The following PWWP2B variants were observed in gnomAD, a reference collection of about 807,000 sequenced individuals.
The protein encoded by PWWP2B is PWWP domain-containing protein 2B.
Under a neutral mutation model 15.5 loss-of-function variants are expected in PWWP2B, and 9 were observed. The ratio of observed to expected loss-of-function variants is 0.58; its 90% CI spans 0.35 to 1.02. The LOEUF is 1.02. Among genes scored for constraint, PWWP2B ranks in the 50% least tolerant of loss-of-function variants. The pLI, the probability that PWWP2B is intolerant of heterozygous loss-of-function variation, is 0.02. For synonymous variants in PWWP2B, 474 were observed against 403.6 expected, an observed-to-expected ratio of 1.17 and a Z score of -2.09; for missense variants, 864 against 865.3, an observed-to-expected ratio of 1.00 and a Z score of 0.02.
At position 132,404,799 on chromosome 10, in the gene PWWP2B, A is replaced by AGCCCCCCCCCCCCCCCCT; in HGVS notation, c.302_303insCCCCCCCCCCCCCCTGCC (p.Pro104_Leu105insProLeuProProProPro). On this transcript the variant is annotated inframe_insertion, in exon 2 of 3. Transcript: ENST00000305233. ...CAGCCCCCCGAGACCACCCGCCCCGAGCCACCCCCGCCCCTCGTGCCGCCG... is the reference window on the plus strand; with the variant it reads ...CAGCCCCCCGAGACCACCCGCCCCGAGCCCCCCCCCCCCCCCCTGCCACCCCCGCCCCTCGTGCCGCCG... 1 of 1,046,818 alleles carries AGCCCCCCCCCCCCCCCCT rather than the reference A, an allele frequency of 9.6e-7. No individual in the cohort carries two copies. Among genetic ancestry groups the AGCCCCCCCCCCCCCCCCT allele is most frequent in the Non-Finnish European group, 1.3e-6 (1 of 753,814 alleles). The allele number at this position is 1,046,818 out of a possible 1,614,324, so 64.8% of individuals were successfully genotyped here. A position where few individuals can be genotyped will look rare whatever the true frequency, so the allele number is the denominator to read the frequency against.
intron 2 of PWWP2B, among the ~76,000 whole-genome samples, chr10:132,412,292 G>A (rs2069791351): frequency 1.3e-5 from 2 of 152,208 alleles, no homozygotes; most frequent in Non-Finnish European, 1.5e-5. Flanking sequence ...AATACTATGC[G>A]GACCTGTTGC....
At chr10:132,407,541 C>T (rs899955841) in intron 2 of PWWP2B, among the ~76,000 whole-genome samples, 10 of 152,176 alleles carry the variant, frequency 6.6e-5, no homozygotes, top group African/African-American at 9.7e-5. Context: ...ATTGGGGTTC[C>T]GGCGGAAGCA....
At chr10:132,416,823 C>T (rs530012862) in intron 2 of PWWP2B, among the ~76,000 whole-genome samples, 7 of 152,174 alleles carry the variant, frequency 4.6e-5, no homozygotes, top group South Asian at 4.2e-4. Context: ...CTGTGGACTG[C>T]GGGACTTCAG....
chr10:132,405,298 G>A lies in PWWP2B; in HGVS notation c.798G>A (p.Val266=). 6.2e-7 allele frequency: 1 copy of A among 1,612,160 alleles called. No homozygotes were observed. The change falls in exon 2 of 3, where the codon GTG becomes GTA. Residue 266 remains valine (V), a synonymous_variant. Transcript: ENST00000305233. ...SYSTPQGKGE[V]VKIPSRVHGS... is the part of the protein sequence containing the mutation. ...GCACGCCCCAGGGCAAGGGAGAGGT[G>A]GTCAAGATCCCCTCCCGCGTGCACG...
chr10:132,398,602 C>T (rs1001978255), intron 1 of PWWP2B, among the ~76,000 whole-genome samples: 5 of 152,376 alleles, frequency 3.3e-5, no homozygotes, highest in South Asian at 2.1e-4. Context: ...TTCCTTGACT[C>T]GGGACAAGGG....
At chr10:132,409,554 C>T (rs1418618638) in intron 2 of PWWP2B, among the ~76,000 whole-genome samples, 1 of 152,136 alleles carries the variant, frequency 6.6e-6, no homozygotes, top group Non-Finnish European at 1.5e-5. Context: ...CAGGGTGAGC[C>T]CCAGGGCCTC....
At chr10:132,399,404 C>T (rs969226050) in intron 1 of PWWP2B, among the ~76,000 whole-genome samples, 11 of 152,234 alleles carry the variant, frequency 7.2e-5, no homozygotes, top group African/African-American at 2.2e-4. Context: ...ATGGCGGCCC[C>T]GCTCACACAG....
chr10:132,412,843 G>A (rs1440871102), intron 2 of PWWP2B, among the ~76,000 whole-genome samples: 1 of 152,268 alleles, frequency 6.6e-6, no homozygotes, highest in African/African-American at 2.4e-5. Flanking sequence ...AGTCCCTCCT[G>A]AGCGTGTGTG....
At chr10:132,407,723 C>T (rs1212129406) in intron 2 of PWWP2B, among the ~76,000 whole-genome samples, 1 of 152,198 alleles carries the variant, frequency 6.6e-6, no homozygotes, top group Non-Finnish European at 1.5e-5. Flanking sequence ...GGAACCAGGC[C>T]CTTTTCTGAT....
Position 132,405,710 on chromosome 10 carries a change from T to G in PWWP2B, c.1210T>G (p.Leu404Val), listed in dbSNP as rs1275575701. Residue 404 changes from leucine (L) to valine (V), a missense_variant, in exon 2 of 3, where the codon TTG (leucine) becomes GTG (valine). This residue lies in a region of PWWP2B where 736 missense variants were observed against 687.7 expected (regional missense o/e 1.07). Coordinates refer to ENST00000305233, the MANE Select transcript of PWWP2B (RefSeq NM_138499.4). ...CPQGPQGREG[L>V]AFLVSCPEGR... ...CCAGGGTCCACAGGGACGCGAGGGC[T>G]TGGCTTTTCTCGTCAGCTGCCCTGA... is the stretch of plus-strand genomic sequence containing the variant. 1 of 1,611,650 alleles carries G rather than the reference T, an allele frequency of 6.2e-7. No homozygotes were observed. The highest frequency in any genetic ancestry group is 8.5e-7 in the Non-Finnish European group (1 of 1,179,884).
In PWWP2B at chr10:132,397,225, G is replaced by T; in HGVS notation, c.-2G>T. The T allele has an allele frequency of 6.8e-6, 8 of 1,168,224 alleles. No homozygotes were observed. Among genetic ancestry groups the T allele is most frequent in the Non-Finnish European group, 8.5e-6 (8 of 942,882 alleles). The allele number at this position is 1,168,224 out of a possible 1,614,324, so 72.4% of individuals were successfully genotyped here. ...GGGGGCGGCCTGGGACGCGGCGGGA[G>T]CATGGAGCCGCGCGCCGGCTGCCGG... On this transcript the variant is annotated 5_prime_UTR_variant, in exon 1 of 3. Transcript: ENST00000305233.
At chr10:132,410,990 G>A (rs1244965145) in intron 2 of PWWP2B, among the ~76,000 whole-genome samples, 2 of 152,212 alleles carry the variant, frequency 1.3e-5, no homozygotes, top group Non-Finnish European at 2.9e-5. Context: ...TGGGAGCACG[G>A]GGTTTCTGCG....
chr10:132,405,965 G>C lies in PWWP2B; in HGVS notation c.1465G>C (p.Ala489Pro). The C allele has an allele frequency of 6.2e-7, 1 of 1,613,528 alleles. No homozygotes were observed. Among genetic ancestry groups the C allele is most frequent in the Non-Finnish European group, 8.5e-7 (1 of 1,180,022 alleles). ...ECITEDGRTV[A>P]VGDIVWGKIH... The stretch of plus-strand genomic sequence containing the variant: ...CATCACGGAGGACGGCAGGACTGTG[G>C]CCGTGGGGGACATCGTCTGGGGTAA... The change falls in exon 2 of 3, where the codon GCC (alanine) becomes CCC (proline). Residue 489 changes from alanine to proline, a missense_variant. Physicochemically the swap from Ala to Pro is conservative, Grantham distance 27. Around this residue, in one of 2 missense-constraint regions of PWWP2B, gnomAD observed 128 missense variants for 177.6 expected, o/e 0.72. Coordinates refer to ENST00000305233, the MANE Select transcript of PWWP2B (RefSeq NM_138499.4).
Position 132,404,642 on chromosome 10 carries a change from C to T in PWWP2B, c.142C>T (p.Leu48=), listed in dbSNP as rs1421861331. The T allele has an allele frequency of 3.1e-6, 5 of 1,612,812 alleles. No homozygotes were observed. Among genetic ancestry groups the T allele is most frequent in the Non-Finnish European group, 3.4e-6 (4 of 1,179,826 alleles). ...DCTKKSGLFG[L]PPLAPLPQVD... ...CATTGCCAGGTCCGGCCTCTTTGGCCTACCCCCGTTGGCTCCGCTGCCCCA... is the reference window on the plus strand; with the variant it reads ...CATTGCCAGGTCCGGCCTCTTTGGCTTACCCCCGTTGGCTCCGCTGCCCCA... Residue 48 remains leucine (L), a synonymous_variant, in exon 2 of 3, where the codon CTA becomes TTA. Coordinates refer to ENST00000305233, the MANE Select transcript of PWWP2B (RefSeq NM_138499.4).
At chr10:132,404,023 CGG>C (rs1353069177) in intron 1 of PWWP2B, among the ~76,000 whole-genome samples, 1 of 58,840 alleles carries the variant, frequency 1.7e-5, no homozygotes, top group Admixed American at 1.5e-4. Flanking sequence ...TCCTGCAGGA[CGG>C]CATTCTCCAG....
At chr10:132,416,909 A>G (rs2069865557) in intron 2 of PWWP2B, among the ~76,000 whole-genome samples, 152 bp from the exon 3 acceptor site, 1 of 151,950 alleles carries the variant, frequency 6.6e-6, no homozygotes, top group Non-Finnish European at 1.5e-5. Context: ...GCCCTGAGGG[A>G]AGGAGGGCCG....
At chr10:132,409,835 C>T (rs1232448464) in intron 2 of PWWP2B, among the ~76,000 whole-genome samples, 3 of 152,086 alleles carry the variant, frequency 2.0e-5, no homozygotes, top group Non-Finnish European at 1.5e-5. Flanking sequence ...GACTGGGATC[C>T]GGGAAGGCTT....
At chr10:132,406,853 AC>A (rs1035565207) in intron 2 of PWWP2B, among the ~76,000 whole-genome samples, 1 of 151,564 alleles carries the variant, frequency 6.6e-6, no homozygotes, top group Non-Finnish European at 1.5e-5. Flanking sequence ...GCCCCCTGTG[AC>A]CCCCCAAATC....
intron 1 of PWWP2B, among the ~76,000 whole-genome samples, chr10:132,403,992 T>TAGGACGGCATTCTCCAGGGCTCCTGC (rs869245200): frequency 0.027 from 2,978 of 109,764 alleles, 116 homozygotes; most frequent in Admixed American, 0.069. Flanking sequence ...CCTGCTCCCG[T>TAGGACGGCATTCTCCAGGGCTCCTGC]AGGACGGCAT....
Sources: allele counts gnomAD v4.1 joint callset (sites outside exome capture counted in the v4.1 genomes callset), GRCh38; gene constraint gnomAD v4.1.1; regional missense constraint gnomAD v4.1.1; transcripts MANE v1.5; gene names NCBI Gene and HGNC (gene_info 2026-07-23, HGNC 2026-07-21).